Variants in NRG3 observed in about 807,000 individuals in gnomAD.
The protein encoded by NRG3 is pro-neuregulin-3, membrane-bound isoform.
Under a neutral mutation model 66.9 loss-of-function variants are expected in NRG3, and 31 were observed. The observed-to-expected ratio is 0.46, with a 90% confidence interval of 0.35 to 0.63. The LOEUF (loss-of-function observed/expected upper bound fraction) is 0.63, where lower values mean the gene tolerates loss of function less well. NRG3 is among the 20% of genes least tolerant of loss of function. NRG3 has a pLI of 0.00. For synonymous variants in NRG3, 393 were observed against 359.4 expected (o/e 1.09, Z -1.06); for missense variants, 910 against 878.9 (o/e 1.04, Z -0.45).
At chr10:82,006,243 G>T (rs1564731427) in intron 1 of NRG3, among the ~76,000 whole-genome samples, 2 of 151,868 alleles carry the variant, frequency 1.3e-5, no homozygotes. Flanking sequence ...CATATTTATT[G>T]GCCATTTGAG....
At chr10:82,905,931 G>A (rs1044254129) in intron 4 of NRG3, among the ~76,000 whole-genome samples, 4 of 152,096 alleles carry the variant, frequency 2.6e-5, no homozygotes, top group Non-Finnish European at 5.9e-5. Flanking sequence ...TATCCTGAGG[G>A]CAATGGGATA....
chr10:82,917,911 T>C (rs1280055926), intron 4 of NRG3, among the ~76,000 whole-genome samples: 1 of 150,682 alleles, frequency 6.6e-6, no homozygotes, highest in Non-Finnish European at 1.5e-5. Flanking sequence ...ATTAAAATTG[T>C]ATTTTTATAT....
chr10:82,660,684 A>G (rs987716687), intron 2 of NRG3, among the ~76,000 whole-genome samples: 2 of 152,094 alleles, frequency 1.3e-5, no homozygotes, highest in Admixed American at 6.5e-5. Flanking sequence ...TCTTTACCCA[A>G]TTATCTCTTG....
At chr10:82,905,490 A>C (rs1016135374) in intron 4 of NRG3, among the ~76,000 whole-genome samples, 1 of 152,142 alleles carries the variant, frequency 6.6e-6, no homozygotes, top group Non-Finnish European at 1.5e-5. Flanking sequence ...TGGTTATTCC[A>C]TGTTTTCACT....
At chr10:82,944,037 C>T (rs975642457) in intron 4 of NRG3, among the ~76,000 whole-genome samples, 1 of 152,188 alleles carries the variant, frequency 6.6e-6, no homozygotes, top group Non-Finnish European at 1.5e-5. Context: ...TTACCAGACT[C>T]TCAGCCCCTT....
At chr10:82,639,246 C>T (rs1340092420) in intron 2 of NRG3, among the ~76,000 whole-genome samples, 1 of 152,158 alleles carries the variant, frequency 6.6e-6, no homozygotes, top group Non-Finnish European at 1.5e-5. Flanking sequence ...CTCTGTGCTG[C>T]ATAGATGGTG....
intron 2 of NRG3, among the ~76,000 whole-genome samples, chr10:82,502,105 C>A (rs1844249006): frequency 6.6e-6 from 1 of 152,168 alleles, no homozygotes; most frequent in Non-Finnish European, 1.5e-5. Context: ...AAGCATATGT[C>A]AAGAAATATC....
At chr10:82,310,405 C>T (rs1352948193) in intron 1 of NRG3, among the ~76,000 whole-genome samples, 1 of 152,120 alleles carries the variant, frequency 6.6e-6, no homozygotes, top group Non-Finnish European at 1.5e-5. Flanking sequence ...TGTTAGTGTG[C>T]AATTATGCCA....
intron 4 of NRG3, among the ~76,000 whole-genome samples, chr10:82,922,529 C>T (rs1234685036): frequency 4.6e-5 from 7 of 152,206 alleles, no homozygotes; most frequent in Admixed American, 3.9e-4. Flanking sequence ...TATCATGGTC[C>T]TTCTAGGACC....
intron 1 of NRG3, among the ~76,000 whole-genome samples, chr10:82,275,373 A>T (rs2078793017): frequency 6.6e-6 from 1 of 152,004 alleles, no homozygotes; most frequent in African/African-American, 2.4e-5. Flanking sequence ...GTGGACAGTA[A>T]CAATATGATC....
At chr10:82,084,538 A>G (rs1398551883) in intron 1 of NRG3, among the ~76,000 whole-genome samples, 2 of 149,414 alleles carry the variant, frequency 1.3e-5, no homozygotes, top group African/African-American at 2.5e-5. Context: ...AGAACTCTAC[A>G]TGAATCAGGT....
intron 2 of NRG3, among the ~76,000 whole-genome samples, chr10:82,638,827 A>G (rs2050373402): frequency 6.6e-6 from 1 of 152,038 alleles, no homozygotes; most frequent in African/African-American, 2.4e-5. Flanking sequence ...GTGTATTTTT[A>G]GTAGCGACAG....
intron 2 of NRG3, among the ~76,000 whole-genome samples, chr10:82,706,068 C>T (rs1027426375): frequency 7.9e-5 from 12 of 152,120 alleles, no homozygotes; most frequent in Non-Finnish European, 1.6e-4. Flanking sequence ...TTAAGCTTTC[C>T]TCCCCTGATC....
chr10:82,736,745 C>A (rs1393360188), intron 2 of NRG3, among the ~76,000 whole-genome samples: 4 of 152,164 alleles, frequency 2.6e-5, no homozygotes, highest in Non-Finnish European at 4.4e-5. Flanking sequence ...TAACAAAGAA[C>A]ACTTAAAAAG....
chr10:82,298,768 T>A (rs2080223967), intron 1 of NRG3, among the ~76,000 whole-genome samples: 1 of 152,140 alleles, frequency 6.6e-6, no homozygotes, highest in Non-Finnish European at 1.5e-5. Flanking sequence ...TGTCTACCTA[T>A]GGCAGCAAGG....
At chr10:82,555,949 ACCT>A (rs1337319537) in intron 2 of NRG3, among the ~76,000 whole-genome samples, 4 of 151,636 alleles carry the variant, frequency 2.6e-5, no homozygotes, top group Admixed American at 2.6e-4. Flanking sequence ...TCTGTCACTA[ACCT>A]CCTCTCTTCA....
intron 2 of NRG3, among the ~76,000 whole-genome samples, chr10:82,516,540 A>G (rs1486692411): frequency 6.6e-6 from 1 of 152,302 alleles, no homozygotes; most frequent in East Asian, 1.9e-4. Flanking sequence ...GTAGATTTTA[A>G]TGAAGGAAAA....
At chr10:82,649,094 ATT>A (rs2051198443) in intron 2 of NRG3, among the ~76,000 whole-genome samples, 1 of 152,186 alleles carries the variant, frequency 6.6e-6, no homozygotes, top group Non-Finnish European at 1.5e-5. Context: ...CACCACTCCT[ATT>A]CAACATAGTG....
chr10:82,133,383 T>C (rs1472489437), intron 1 of NRG3, among the ~76,000 whole-genome samples: 2 of 152,274 alleles, frequency 1.3e-5, no homozygotes, highest in East Asian at 3.9e-4. Context: ...TACCCAATAG[T>C]TATATTTTCT....
Sources: gnomAD v4.1 joint callset for allele counts (sites outside exome capture counted in the v4.1 genomes callset) on GRCh38, gnomAD v4.1.1 for gene constraint, MANE v1.5 for transcripts, NCBI Gene and HGNC (gene_info 2026-07-23, HGNC 2026-07-21) for gene names.